Variants in INSL6 observed in about 807,000 individuals in gnomAD.
The protein encoded by INSL6 is insulin like 6, also known as insulin-like peptide INSL6.
In INSL6, 16 loss-of-function variants were observed where a neutral mutation model predicts 9.4. The ratio of observed to expected loss-of-function variants is 1.70; its 90% confidence interval spans 1.15 to 2.59. INSL6 has a LOEUF of 2.59. Among genes scored for constraint, INSL6 ranks in the 30% most tolerant of loss-of-function variants. The pLI, the probability that INSL6 is intolerant of heterozygous loss-of-function variation, is 0.00. For missense variants in INSL6, 391 were observed against 257.3 expected (o/e 1.52, Z -3.56); for synonymous variants, 154 against 96.9 (o/e 1.59, Z -3.46).
chr9:5,172,246 C>T (rs551944805), intron 1 of INSL6, among the ~76,000 whole-genome samples: 6 of 152,190 alleles, frequency 3.9e-5, no homozygotes, highest in South Asian at 4.2e-4. Flanking sequence ...GCAAAGGATC[C>T]GCTATTTAAT....
intron 3 of INSL6, among the ~76,000 whole-genome samples, chr9:5,130,538 T>G (rs1484747777): frequency 2.6e-5 from 4 of 152,136 alleles, no homozygotes; most frequent in African/African-American, 9.7e-5. Flanking sequence ...TGGAAAAATC[T>G]GTTACCAGTT....
At chr9:5,085,707 G>T in the INSL6 span, 2 of 749,072 alleles carry the variant, frequency 2.7e-6, no homozygotes, top group Non-Finnish European at 5.0e-6. Context: ...AACAAGACTA[G>T]CAGTGTGGAT....
chr9:5,049,550 T>A, the INSL6 span, among the ~76,000 whole-genome samples: 1 of 152,216 alleles, frequency 6.6e-6, no homozygotes, highest in Non-Finnish European at 1.5e-5. Flanking sequence ...AATCTTAACT[T>A]TCTCCAAGTT....
intron 2 of INSL6, among the ~76,000 whole-genome samples, chr9:5,144,020 T>G (rs772164972): frequency 2.8e-4 from 42 of 152,346 alleles, no homozygotes; most frequent in Non-Finnish European, 4.1e-4. Flanking sequence ...GCTCTGATTT[T>G]GGTTATTTCT....
the INSL6 span, among the ~76,000 whole-genome samples, chr9:5,063,897 C>T: frequency 2.0e-5 from 3 of 152,212 alleles, no homozygotes; most frequent in Non-Finnish European, 2.9e-5. Context: ...GTGACTCACG[C>T]GTGTAATCCC....
chr9:5,073,830 G>GT, the INSL6 span: 16 of 1,260,406 alleles, frequency 1.3e-5, no homozygotes, highest in Non-Finnish European at 1.0e-5. Context: ...CAGAGCATCT[G>GT]TTTTTGTTTA....
intron 3 of INSL6, chr9:5,126,954 T>C (rs1586849072): frequency 2.5e-6 from 1 of 400,766 alleles, no homozygotes; most frequent in East Asian, 3.9e-5. Flanking sequence ...GTTTAGTAAG[T>C]TTTTCTTCAT....
the INSL6 span, chr9:5,111,738 G>T: frequency 2.3e-6 from 1 of 429,388 alleles, no homozygotes; most frequent in South Asian, 1.7e-5. Flanking sequence ...GTGGGCTACC[G>T]GCTGCACGGA....
At chr9:5,001,816 G>C in the INSL6 span, among the ~76,000 whole-genome samples, 1 of 151,914 alleles carries the variant, frequency 6.6e-6, no homozygotes, top group African/African-American at 2.4e-5. Flanking sequence ...AGTTTTCTTT[G>C]TGGGTATGTT....
intron 1 of INSL6, among the ~76,000 whole-genome samples, chr9:5,174,924 C>G (rs1825262738): frequency 6.6e-6 from 1 of 151,818 alleles, no homozygotes; most frequent in East Asian, 1.9e-4. Context: ...TCAGAATTAA[C>G]AATGTTTTGG....
chr9:5,090,810 C>T, the INSL6 span: 877 of 1,613,168 alleles, frequency 5.4e-4, 12 homozygotes, highest in East Asian at 0.017. Flanking sequence ...TGGTGGAGAA[C>T]GAGAACAGAG....
the INSL6 span, chr9:5,113,857 A>C: frequency 4.9e-6 from 1 of 205,458 alleles, no homozygotes; most frequent in Admixed American, 5.7e-5. Flanking sequence ...CATCTACTCC[A>C]GGGACTTCAC....
the INSL6 span, chr9:5,041,520 C>T: frequency 3.6e-6 from 2 of 553,554 alleles, no homozygotes; most frequent in African/African-American, 1.9e-5. Flanking sequence ...GCGCGCCACG[C>T]CCATCGAAGT....
the INSL6 span, among the ~76,000 whole-genome samples, chr9:5,007,527 T>G: frequency 2.6e-5 from 4 of 152,184 alleles, no homozygotes; most frequent in Admixed American, 6.5e-5. Context: ...TTTTTTTTGT[T>G]GAGGTATTAA....
chr9:5,089,601 T>TATA, the INSL6 span: 1 of 478,904 alleles, frequency 2.1e-6, no homozygotes. Flanking sequence ...GAATTTTCTA[T>TATA]ATAATTATAA....
chr9:5,118,124 G>A, the INSL6 span, among the ~76,000 whole-genome samples: 2 of 152,184 alleles, frequency 1.3e-5, no homozygotes, highest in Non-Finnish European at 1.5e-5. Flanking sequence ...CCTCGCCACT[G>A]CACTCCAGCC....
chr9:5,055,666 T>C, the INSL6 span: 2 of 1,552,936 alleles, frequency 1.3e-6, no homozygotes, highest in Non-Finnish European at 1.8e-6. Context: ...CTTTTAATTA[T>C]AGGATTTACA....
At chr9:5,040,596 A>G in the INSL6 span, among the ~76,000 whole-genome samples, 26 of 152,402 alleles carry the variant, frequency 1.7e-4, no homozygotes, top group Non-Finnish European at 3.2e-4. Flanking sequence ...CAGAATATAA[A>G]AGAATTCTTA....
downstream of INSL6, among the ~76,000 whole-genome samples, chr9:5,159,785 A>G (rs866657894): frequency 3.9e-5 from 6 of 152,232 alleles, no homozygotes; most frequent in Non-Finnish European, 7.3e-5. Context: ...TCTGCACTAT[A>G]GAACAAACAG....
Sources: gnomAD v4.1 joint callset for allele counts (sites outside exome capture counted in the v4.1 genomes callset) on GRCh38, gnomAD v4.1.1 for gene constraint, MANE v1.5 for transcripts, NCBI Gene and HGNC (gene_info 2026-07-23, HGNC 2026-07-21) for gene names.